The following ASAP1 variants were observed in gnomAD, a reference collection of about 807,000 sequenced individuals.
ASAP1 encodes the protein arf-GAP with SH3 domain, ANK repeat and PH domain-containing protein 1.
Under a neutral mutation model 145.2 loss-of-function variants are expected in ASAP1, and 43 were observed. The observed-to-expected ratio is 0.30, with a 90% CI of 0.23 to 0.38. ASAP1 has a LOEUF of 0.38. Ranked by LOEUF, ASAP1 falls within the 10% of genes least tolerant of loss-of-function variation. ASAP1 has a pLI of 1.00. For missense variants in ASAP1, 1,018 were observed against 1,355.3 expected, an observed-to-expected ratio of 0.75 and a Z score of 3.91; for synonymous variants, 546 against 515.5, an observed-to-expected ratio of 1.06 and a Z score of -0.80.
At chr8:130,326,809 T>C (rs979859229) in intron 3 of ASAP1, among the ~76,000 whole-genome samples, 2 of 152,208 alleles carry the variant, frequency 1.3e-5, no homozygotes, top group Non-Finnish European at 2.9e-5. Context: ...ACATTGTGTT[T>C]CCCAGCCCTG....
At chr8:130,350,010 A>G (rs116415437) in intron 3 of ASAP1, among the ~76,000 whole-genome samples, 4,039 of 152,320 alleles carry the variant, frequency 0.027, 63 homozygotes, top group Middle Eastern at 0.044. Context: ...TCCCTGGACA[A>G]ACAGACAATG....
At chr8:130,157,695 A>AT (rs1344622546) in intron 12 of ASAP1, among the ~76,000 whole-genome samples, 6 of 152,098 alleles carry the variant, frequency 3.9e-5, no homozygotes, top group Non-Finnish European at 8.8e-5. Context: ...ACTCTCAAGT[A>AT]TTTGTCACCA....
Position 130,153,666 on chromosome 8 carries a change from C to A in ASAP1, c.1011-861G>T, listed in dbSNP as rs138299592. ...TACAGGTGTGAGCCACTGTGACTGG[C>A]CGTGGCACTGCTTTGGACAGTAAAA... On this transcript the variant is annotated intron_variant, in intron 12 of 29. Transcript: ENST00000518721. Among the ~76,000 whole-genome samples the A allele has an allele frequency of 5.4e-4, 82 of 152,014 alleles. 4 individuals are homozygous for A. In the East Asian group the frequency reaches 9.5e-3, roughly 18 times the overall value.
chr8:130,395,997 T>C (rs949910900), intron 2 of ASAP1, among the ~76,000 whole-genome samples: 2 of 152,274 alleles, frequency 1.3e-5, no homozygotes, highest in East Asian at 1.9e-4. Flanking sequence ...ACCAAGTTTG[T>C]GGTACTTTGT....
chr8:130,057,127 A>C (rs2097405985), intron 29 of ASAP1, among the ~76,000 whole-genome samples: 1 of 152,246 alleles, frequency 6.6e-6, no homozygotes, highest in African/African-American at 2.4e-5. Flanking sequence ...TGACAAAGAA[A>C]GAACTGCAGA....
At chr8:130,290,693 A>C (rs1586764539) in intron 3 of ASAP1, among the ~76,000 whole-genome samples, 1 of 152,160 alleles carries the variant, frequency 6.6e-6, no homozygotes, top group East Asian at 1.9e-4. Flanking sequence ...CCAATTGCAA[A>C]TCACTTGCTG....
At chr8:130,099,725 C>T (rs2097525430) in intron 24 of ASAP1, among the ~76,000 whole-genome samples, 2 of 140,118 alleles carry the variant, frequency 1.4e-5, no homozygotes, top group African/African-American at 2.7e-5. Flanking sequence ...CTGTGTCGTC[C>T]AGGCTGGAGT....
At chr8:130,287,150 C>A (rs991036596) in intron 3 of ASAP1, among the ~76,000 whole-genome samples, 3 of 150,190 alleles carry the variant, frequency 2.0e-5, no homozygotes, top group African/African-American at 7.3e-5. Context: ...AAGCTGACTA[C>A]ATATCACCAA....
intron 1 of ASAP1, among the ~76,000 whole-genome samples, chr8:130,438,137 A>T (rs771234216): frequency 6.6e-6 from 1 of 152,198 alleles, no homozygotes; most frequent in Non-Finnish European, 1.5e-5. Context: ...AAAGTGCTTA[A>T]GGTCTCAAGA....
rs56133915 is a variant in ASAP1, at chr8:130,054,410, C to T, written c.*321G>A. ...GCCTTTCAACGGTTGCTGGAGACCA[C>T]TTCTATTTGCAAAGCCAGCAGTTCC... On this transcript the variant is annotated 3_prime_UTR_variant, in exon 30 of 30. Transcript: ENST00000518721. The T allele has an allele frequency of 0.027, 6,268 of 232,328 alleles. 132 individuals are homozygous for T. Among genetic ancestry groups the T allele is most frequent in the Non-Finnish European group, 0.038 (4,302 of 112,392 alleles). The allele number at this position is 232,328 out of a possible 1,614,324, so 14.4% of individuals were successfully genotyped here. A position where few individuals can be genotyped will look rare whatever the true frequency, so the allele number is the denominator to read the frequency against.
chr8:130,174,269 A>T (rs72722363), intron 9 of ASAP1, among the ~76,000 whole-genome samples: 5,380 of 152,298 alleles, frequency 0.035, 126 homozygotes, highest in Middle Eastern at 0.065. Flanking sequence ...CAGATGAGCT[A>T]CTACAGATAA....
At chr8:130,128,170 T>TTTTTTTTTTTTTTAAAAAA in intron 15 of ASAP1, 80 bp from the exon 16 acceptor site, 1 of 668,218 alleles carries the variant, frequency 1.5e-6, no homozygotes, top group Non-Finnish European at 1.9e-6. Context: ...TTTTTGCCAC[T>TTTTTTTTTTTTTTAAAAAA]GCAAAAAAAA....
chr8:130,088,520 A>G (rs2097498720), intron 25 of ASAP1, among the ~76,000 whole-genome samples: 1 of 152,220 alleles, frequency 6.6e-6, no homozygotes, highest in Non-Finnish European at 1.5e-5. Context: ...ATGAAGGCAG[A>G]GGCTGCACCA....
At chr8:130,127,550 A>G (rs111859588) in intron 16 of ASAP1, among the ~76,000 whole-genome samples, 1 of 152,154 alleles carries the variant, frequency 6.6e-6, no homozygotes, top group African/African-American at 2.4e-5. Flanking sequence ...TAGGATAAGT[A>G]AACTACGAAT....
intron 3 of ASAP1, among the ~76,000 whole-genome samples, chr8:130,313,710 G>C (rs573226772): frequency 6.6e-6 from 1 of 152,206 alleles, no homozygotes; most frequent in South Asian, 2.1e-4. Context: ...TCAGCCCCAG[G>C]ATATTCAAAA....
At chr8:130,416,659 C>A (rs947651179) in intron 1 of ASAP1, among the ~76,000 whole-genome samples, 1 of 152,254 alleles carries the variant, frequency 6.6e-6, no homozygotes, top group Admixed American at 6.5e-5. Flanking sequence ...CAGAGAACTA[C>A]AAGGAATTAG....
At chr8:130,292,564 A>G (rs868515370) in intron 3 of ASAP1, among the ~76,000 whole-genome samples, 8 of 152,178 alleles carry the variant, frequency 5.3e-5, no homozygotes, top group Non-Finnish European at 1.2e-4. Context: ...GAAACTTTCC[A>G]AGTTTATTGT....
At chr8:130,330,117 A>G (rs1039032955) in intron 3 of ASAP1, among the ~76,000 whole-genome samples, 5 of 152,230 alleles carry the variant, frequency 3.3e-5, no homozygotes, top group African/African-American at 9.6e-5. Context: ...CCAACAAAAC[A>G]TAAAAGGCAT....
intron 3 of ASAP1, among the ~76,000 whole-genome samples, chr8:130,294,778 A>G (rs1822159892): frequency 1.3e-5 from 2 of 152,236 alleles, no homozygotes; most frequent in African/African-American, 4.8e-5. Context: ...GCAGCCATTT[A>G]AAGTCACAGT....
Sources: gnomAD v4.1 joint callset for allele counts (sites outside exome capture counted in the v4.1 genomes callset) on GRCh38, gnomAD v4.1.1 for gene constraint, MANE v1.5 for transcripts, NCBI Gene and HGNC (gene_info 2026-07-23, HGNC 2026-07-21) for gene names.